Variants in THUMPD1 observed in about 807,000 individuals in gnomAD.
The protein encoded by THUMPD1 is THUMP domain-containing protein 1.
THUMPD1 carries 31 observed loss-of-function variants against 31.6 expected under a neutral mutation model. The ratio of observed to expected loss-of-function variants is 0.98; its 90% CI spans 0.74 to 1.32. THUMPD1 has a LOEUF of 1.32. Ranked by LOEUF, THUMPD1 falls within the 40% of genes most tolerant of loss-of-function variation. The pLI is 0.00. For synonymous variants in THUMPD1, 166 were observed against 158.2 expected (o/e 1.05, Z -0.37); for missense variants, 446 against 427.8 (o/e 1.04, Z -0.38).
chr16:20,738,008 C>T (rs1039057816), intron 2 of THUMPD1, 52 bp from the exon 3 acceptor site: 5 of 1,516,448 alleles, frequency 3.3e-6, no homozygotes, highest in South Asian at 1.3e-5. Context: ...TCTTAAAGAT[C>T]GAACTCTAAA....
chr16:20,735,120 A>T lies in THUMPD1; in HGVS notation c.*1760T>A, dbSNP rs1045948481. The T allele has an allele frequency of 8.5e-5, 13 of 152,148 alleles. No individual in the cohort carries two copies. The highest frequency in any genetic ancestry group is 2.0e-4 in the Admixed American group (3 of 15,274). 9.4% of individuals were successfully genotyped at this position (152,148 alleles called of 1,614,324 possible). A position where few individuals can be genotyped will look rare whatever the true frequency, so the allele number is the denominator to read the frequency against. ...TAAGAGTCTTGTCGCTTTAAGAAAA[A>T]TTTTTTTCCCCAGAACCTTTCAGAG... On this transcript the variant is annotated 3_prime_UTR_variant, in exon 4 of 4. Coordinates refer to ENST00000396083, the MANE Select transcript of THUMPD1 (RefSeq NM_017736.5).
Position 20,737,203 on chromosome 16 carries a change from C to G in THUMPD1, c.739G>C (p.Val247Leu). 1.2e-6 allele frequency: 2 copies of G among 1,614,206 alleles called. No individual in the cohort carries two copies. Among genetic ancestry groups the G allele is most frequent in the East Asian group, 2.2e-5 (1 of 44,886 alleles). The change falls in exon 4 of 4, where the codon GTC becomes CTC. Residue 247 changes from valine (V) to leucine (L), a missense_variant. Val to Leu is a conservative substitution (Grantham distance 32, BLOSUM62 1). Transcript: ENST00000396083. ...TCTTTCACAACACTCAGGCAACAGA[C>G]AGCTTTGATGATTTCTACTACCACT... ...YTVVVEIIKA[V>L]CCLSVVKDYM...
rs2079866308 is a variant in THUMPD1 at position 20,736,061 on chromosome 16, T to A, written c.*819A>T. On this transcript the variant is annotated 3_prime_UTR_variant, in exon 4 of 4. Transcript: ENST00000396083. Reference sequence around the variant, plus strand: ...ATTTGAAAATAATGAATATCCTTTCTTGTCAAGTGGCTGTGATTTATTGTT... The same window carrying A: ...ATTTGAAAATAATGAATATCCTTTCATGTCAAGTGGCTGTGATTTATTGTT... 2.0e-5 allele frequency: 3 copies of A among 152,234 alleles called. No individual in the cohort carries two copies. 9.4% of individuals were successfully genotyped at this position (152,234 alleles called of 1,614,324 possible). A position where few individuals can be genotyped will look rare whatever the true frequency, so the allele number is the denominator to read the frequency against.
chr16:20,741,479 C>CGGGGGGGGGGGGGGGGGGGGGGGGG, intron 1 of THUMPD1, 30 bp downstream of exon 1: 2 of 1,329,522 alleles, frequency 1.5e-6, no homozygotes, highest in Non-Finnish European at 9.8e-7. Flanking sequence ...GCCTGGCAGC[C>CGGGGGGGGGGGGGGGGGGGGGGGGG]GGCCCGCCCG....
chr16:20,741,223 C>T (rs560159666), intron 1 of THUMPD1, among the ~76,000 whole-genome samples: 17 of 152,168 alleles, frequency 1.1e-4, no homozygotes, highest in Non-Finnish European at 2.2e-4. Flanking sequence ...CCAGCCTCGG[C>T]AACAGAGCGA....
chr16:20,739,479 ATTGAT>A, intron 1 of THUMPD1, among the ~76,000 whole-genome samples: 1 of 151,978 alleles, frequency 6.6e-6, no homozygotes, highest in Non-Finnish European at 1.5e-5. Flanking sequence ...CTGACTCAGT[ATTGAT>A]AATAAAGCTT....
In THUMPD1 at chr16:20,736,220, C is replaced by T. The variant is rs1206386052; in HGVS notation, c.*660G>A. The T allele has an allele frequency of 1.3e-5, 2 of 152,086 alleles. No individual in the cohort carries two copies. Among genetic ancestry groups the T allele is most frequent in the Non-Finnish European group, 2.9e-5 (2 of 68,034 alleles). The allele number at this position is 152,086 out of a possible 1,614,324, so 9.4% of individuals were successfully genotyped here. On this transcript the variant is annotated 3_prime_UTR_variant, in exon 4 of 4. Coordinates refer to ENST00000396083, the MANE Select transcript of THUMPD1 (RefSeq NM_017736.5). ...CAGAATTTCTTTGTGTCCCTTGTTG[C>T]ACTAGTATACTGAAGTATACTCAGA... is the stretch of plus-strand genomic sequence containing the variant.
chr16:20,736,606 C>T lies in THUMPD1; in HGVS notation c.*274G>A. On this transcript the variant is annotated 3_prime_UTR_variant, in exon 4 of 4. Transcript: ENST00000396083. Reference sequence around the variant, plus strand: ...CACTCCCTTAAGTCAGCTGGCACTGCAGAAGAGGAGCCTGGGAGAGGCCAA... The same window carrying T: ...CACTCCCTTAAGTCAGCTGGCACTGTAGAAGAGGAGCCTGGGAGAGGCCAA... The T allele has an allele frequency of 2.7e-6, 1 of 372,440 alleles. No homozygotes were observed. The highest frequency in any genetic ancestry group is 4.5e-5 in the East Asian group (1 of 22,432). The allele number at this position is 372,440 out of a possible 1,614,324, so 23.1% of individuals were successfully genotyped here. A position where few individuals can be genotyped will look rare whatever the true frequency, so the allele number is the denominator to read the frequency against.
chr16:20,738,837 T>C (rs779620821), intron 2 of THUMPD1, 60 bp downstream of exon 2: 74 of 1,577,038 alleles, frequency 4.7e-5, no homozygotes, highest in Non-Finnish European at 6.1e-5. Context: ...CAGTATTCCC[T>C]GAGACAGGAA....
At position 20,735,549 on chromosome 16, in the gene THUMPD1, C is replaced by T. The variant is rs2079861970; in HGVS notation, c.*1331G>A. 1 of 150,038 alleles carries T rather than the reference C, an allele frequency of 6.7e-6. No homozygotes were observed. The highest frequency in any genetic ancestry group is 2.5e-5 in the African/African-American group (1 of 40,740). The allele number at this position is 150,038 out of a possible 1,614,324, so 9.3% of individuals were successfully genotyped here. ...GGATTTCTTTTTTTTTTTTTAATAA[C>T]GCAAAATGACTTATGGAGACAACCA... On this transcript the variant is annotated 3_prime_UTR_variant, in exon 4 of 4. Coordinates refer to ENST00000396083, the MANE Select transcript of THUMPD1 (RefSeq NM_017736.5).
rs893651560 is a variant in THUMPD1 at position 20,734,359 on chromosome 16, TATCA to T, written c.*2517_*2520del. On this transcript the variant is annotated 3_prime_UTR_variant, in exon 4 of 4. Coordinates refer to ENST00000396083, the MANE Select transcript of THUMPD1 (RefSeq NM_017736.5). ...CCCTAACTGATATTAATAATCCTCT[TATCA>T]ATCATTGCAAGGTAACTTCAATGTC... is the stretch of plus-strand genomic sequence containing the variant. The T allele has an allele frequency of 1.3e-5, 2 of 152,628 alleles. No homozygotes were observed. The highest frequency in any genetic ancestry group is 2.9e-5 in the Non-Finnish European group (2 of 68,030). 9.5% of individuals were successfully genotyped at this position (152,628 alleles called of 1,614,324 possible).
intron 1 of THUMPD1, 80 bp downstream of exon 1, chr16:20,741,429 T>A: frequency 6.9e-7 from 1 of 1,447,488 alleles, no homozygotes; most frequent in Non-Finnish European, 9.1e-7. Flanking sequence ...CGCATGCCCA[T>A]ACCAGCAGCC....
chr16:20,741,510 T>C lies in THUMPD1; in HGVS notation c.230A>G (p.Lys77Arg). The change falls in exon 1 of 4, where the codon AAG (lysine) becomes AGG (arginine). Residue 77 changes from lysine (K) to arginine (R), a missense_variant and splice_region_variant. Physicochemically the swap from Lys to Arg is conservative, Grantham distance 26. Transcript: ENST00000396083. Reference sequence around the variant, plus strand: ...GCCCGCCCACCCCGGGACCGGTACCTTTTCTGGCCCATACATGTCGTCGCC... The same window carrying C: ...GCCCGCCCACCCCGGGACCGGTACCCTTTCTGGCCCATACATGTCGTCGCC... ...EYGDDMYGPE[K>R]FTDKDQQPSG... 6 of 414,022 alleles carry C rather than the reference T, an allele frequency of 1.4e-5. No homozygotes were observed. The highest frequency in any genetic ancestry group is 2.4e-5 in the South Asian group (1 of 41,078). The allele number at this position is 414,022 out of a possible 1,614,324, so 25.6% of individuals were successfully genotyped here.
chr16:20,738,530 C>CA (rs1045222696), intron 2 of THUMPD1, among the ~76,000 whole-genome samples: 1 of 151,960 alleles, frequency 6.6e-6, no homozygotes, highest in African/African-American at 2.4e-5. Flanking sequence ...CACTGAAAAA[C>CA]AAAAAAACTC....
In THUMPD1 at chr16:20,741,681, G is replaced by C. The variant is rs2079926502; in HGVS notation, c.59C>G (p.Ala20Gly). ...AGCGCGCTTGGCCAGCACATACTGA[G>C]CCTTGCCTTTGCGCTTCCCGCCGCC... is the stretch of plus-strand genomic sequence containing the variant. ...QPGGGKRKGK[A>G]QYVLAKRARR... Residue 20 changes from alanine to glycine, a missense_variant, in exon 1 of 4, where the codon GCT (alanine) becomes GGT (glycine). Ala to Gly is a moderately conservative substitution (Grantham distance 60). Coordinates refer to ENST00000396083, the MANE Select transcript of THUMPD1 (RefSeq NM_017736.5). The C allele has an allele frequency of 6.3e-7, 1 of 1,584,190 alleles. No individual in the cohort carries two copies. Among genetic ancestry groups the C allele is most frequent in the South Asian group, 1.2e-5 (1 of 86,822 alleles).
chr16:20,738,399 C>A, intron 2 of THUMPD1: 1 of 320,228 alleles, frequency 3.1e-6, no homozygotes. Flanking sequence ...AATCTCAGAC[C>A]CAAGAGGAAT....
chr16:20,737,711 C>A lies in THUMPD1; in HGVS notation c.652G>T (p.Ala218Ser). Residue 218 changes from alanine to serine, a missense_variant, in exon 3 of 4, where the codon GCA becomes TCA. By Grantham distance (99) the Ala-to-Ser change is moderately conservative (BLOSUM62 1). Coordinates refer to ENST00000396083, the MANE Select transcript of THUMPD1 (RefSeq NM_017736.5). ...VNREEVIRELAGIVCTLNSEN... is the reference protein window; with the variant it reads ...VNREEVIRELSGIVCTLNSEN... Reference sequence around the variant, plus strand: ...AAAATCACTAAGAGAAACATACCTGCCAATTCTCTGATAACTTCTTCTCTA... The same window carrying A: ...AAAATCACTAAGAGAAACATACCTGACAATTCTCTGATAACTTCTTCTCTA... The A allele has an allele frequency of 6.2e-7, 1 of 1,604,784 alleles. No homozygotes were observed. Among genetic ancestry groups the A allele is most frequent in the Non-Finnish European group, 8.5e-7 (1 of 1,175,368 alleles).
chr16:20,739,417 C>T (rs113414147), intron 1 of THUMPD1, among the ~76,000 whole-genome samples: 2 of 151,984 alleles, frequency 1.3e-5, no homozygotes, highest in East Asian at 3.9e-4. Context: ...GTGATCCACT[C>T]GCCTCAGCCT....
Position 20,741,493 on chromosome 16 carries a change from A to G in THUMPD1, c.231+16T>C. 4.8e-6 allele frequency: 1 copy of G among 209,266 alleles called. No homozygotes were observed. The highest frequency in any genetic ancestry group is 9.2e-6 in the Non-Finnish European group (1 of 109,050). 13.0% of individuals were successfully genotyped at this position (209,266 alleles called of 1,614,324 possible). A position where few individuals can be genotyped will look rare whatever the true frequency, so the allele number is the denominator to read the frequency against. Reference sequence around the variant, plus strand: ...GGCCTGGCAGCCGGCCCGCCCGCCCACCCCGGGACCGGTACCTTTTCTGGC... The same window carrying G: ...GGCCTGGCAGCCGGCCCGCCCGCCCGCCCCGGGACCGGTACCTTTTCTGGC... On this transcript the variant is annotated intron_variant, in intron 1 of 3. Transcript: ENST00000396083.
Sources: gnomAD v4.1 joint callset for allele counts (sites outside exome capture counted in the v4.1 genomes callset) on GRCh38, gnomAD v4.1.1 for gene constraint, MANE v1.5 for transcripts, NCBI Gene and HGNC (gene_info 2026-07-23, HGNC 2026-07-21) for gene names.